ACYP2: variants seen among roughly 807,000 people sequenced by gnomAD.
ACYP2 encodes acylphosphatase 2.
In ACYP2, 12 loss-of-function variants were observed where a neutral mutation model predicts 11.2. That is an observed-to-expected ratio of 1.08 (90% CI 0.69 to 1.74). The LOEUF is 1.74. Among genes scored for constraint, ACYP2 ranks in the 40% most tolerant of loss-of-function variants. The pLI, the probability that ACYP2 is intolerant of heterozygous loss-of-function variation, is 0.00. For synonymous variants in ACYP2, 43 were observed against 32.2 expected, an observed-to-expected ratio of 1.33 and a Z score of -1.13; for missense variants, 134 against 101.9, an observed-to-expected ratio of 1.31 and a Z score of -1.35.
chr2:54,041,048 G>A (rs997387827), intron 2 of ACYP2, among the ~76,000 whole-genome samples: 7 of 151,890 alleles, frequency 4.6e-5, no homozygotes, highest in East Asian at 1.9e-4. Flanking sequence ...CAAGGAAAGC[G>A]GTGGCCTTTT....
chr2:54,283,657 T>C (rs1688943601), intron 6 of ACYP2, among the ~76,000 whole-genome samples: 1 of 152,194 alleles, frequency 6.6e-6, no homozygotes, highest in Non-Finnish European at 1.5e-5. Flanking sequence ...CAAGTAAATA[T>C]TTAAGTATAT....
At chr2:53,986,217 C>G (rs1573449959) in intron 2 of ACYP2, among the ~76,000 whole-genome samples, 1 of 152,178 alleles carries the variant, frequency 6.6e-6, no homozygotes, top group African/African-American at 2.4e-5. Flanking sequence ...ACCATGTGCT[C>G]TCTGCATATG....
chr2:53,982,644 G>A (rs377759841), intron 2 of ACYP2, among the ~76,000 whole-genome samples: 16 of 152,228 alleles, frequency 1.1e-4, no homozygotes, highest in Admixed American at 2.6e-4. Context: ...TGAAAGGTGC[G>A]ACTTATATTT....
chr2:54,266,799 C>T (rs1284743400), intron 6 of ACYP2, among the ~76,000 whole-genome samples: 1 of 151,268 alleles, frequency 6.6e-6, no homozygotes, highest in Non-Finnish European at 1.5e-5. Flanking sequence ...TTAGTACAGA[C>T]GGGGTTTCAC....
chr2:54,293,661 T>C (rs1189429285), intron 6 of ACYP2, among the ~76,000 whole-genome samples: 1 of 152,228 alleles, frequency 6.6e-6, no homozygotes, highest in Non-Finnish European at 1.5e-5. Context: ...TGGCCAGATG[T>C]TGCACTAAGT....
intron 2 of ACYP2, among the ~76,000 whole-genome samples, chr2:53,977,923 A>G (rs1012894465): frequency 6.6e-6 from 1 of 152,102 alleles, no homozygotes; most frequent in Admixed American, 6.6e-5. Context: ...TAATACAACC[A>G]TTCCTGGCTG....
intron 2 of ACYP2, among the ~76,000 whole-genome samples, chr2:53,982,010 G>A (rs558727585): frequency 1.6e-4 from 25 of 152,180 alleles, no homozygotes; most frequent in Non-Finnish European, 3.4e-4. Flanking sequence ...TATGAATAAT[G>A]TAGGAGGTGA....
At chr2:54,220,747 T>A (rs1182005685) in intron 6 of ACYP2, among the ~76,000 whole-genome samples, 1 of 152,216 alleles carries the variant, frequency 6.6e-6, no homozygotes, top group Non-Finnish European at 1.5e-5. Context: ...ATTTGGAATA[T>A]CAGAAATTTT....
chr2:53,994,751 A>G (rs540396592), intron 2 of ACYP2, among the ~76,000 whole-genome samples: 115 of 152,320 alleles, frequency 7.5e-4, no homozygotes, highest in African/African-American at 2.6e-3. Context: ...TTCCCAAATT[A>G]TTCTAGAACT....
intron 2 of ACYP2, among the ~76,000 whole-genome samples, chr2:54,015,981 G>A (rs892655958): frequency 6.6e-6 from 1 of 151,998 alleles, no homozygotes; most frequent in Non-Finnish European, 1.5e-5. Flanking sequence ...AATTTTAAAT[G>A]TTTCTCATTG....
chr2:54,254,308 CAG>C (rs1687377881), intron 6 of ACYP2: 1 of 152,322 alleles, frequency 6.6e-6, no homozygotes, highest in Non-Finnish European at 1.5e-5. Flanking sequence ...TATTAGAAAC[CAG>C]AGAGTGGAGC....
intron 6 of ACYP2, among the ~76,000 whole-genome samples, chr2:54,212,311 A>G (rs889454212): frequency 5.9e-5 from 9 of 152,214 alleles, no homozygotes; most frequent in Non-Finnish European, 1.3e-4. Context: ...ATTGCCTTTC[A>G]CATTGTAGTA....
At chr2:54,255,577 C>G (rs755895568) in intron 6 of ACYP2, 3 of 1,613,278 alleles carry the variant, frequency 1.9e-6, no homozygotes, top group Non-Finnish European at 1.7e-6. Flanking sequence ...GGGCCCGGGC[C>G]CGGGCCCAGG....
At chr2:54,201,454 G>A (rs1262258091) in intron 6 of ACYP2, among the ~76,000 whole-genome samples, 1 of 151,816 alleles carries the variant, frequency 6.6e-6, no homozygotes, top group Non-Finnish European at 1.5e-5. Context: ...TATATATTTT[G>A]AATACTAGAA....
chr2:54,192,508 T>A (rs964166674), intron 6 of ACYP2, among the ~76,000 whole-genome samples: 6 of 152,184 alleles, frequency 3.9e-5, no homozygotes, highest in African/African-American at 1.4e-4. Flanking sequence ...AGATAACATA[T>A]CCAGTTTTAT....
In ACYP2 at chr2:54,207,171, A is replaced by ATG. The variant is rs1462290345; in HGVS notation, c.404+68424_404+68425insGT. On this transcript the variant is annotated intron_variant, in intron 6 of 6. Transcript: ENST00000607452. ...TTATATGTACATATATACAACATGT[A>ATG]TATGTGTGTGTGTGTGTGTGTGTGT... Among the ~76,000 whole-genome samples, 329 of 68,470 alleles carry ATG rather than the reference A, an allele frequency of 4.8e-3. 3 individuals are homozygous for ATG. The highest frequency in any genetic ancestry group is 0.014 in the African/African-American group (293 of 20,888). The allele number at this position is 68,470 out of a possible 152,430, so 44.9% of individuals were successfully genotyped here. A position where few individuals can be genotyped will look rare whatever the true frequency, so the allele number is the denominator to read the frequency against.
intron 6 of ACYP2, among the ~76,000 whole-genome samples, chr2:54,204,857 T>C (rs1333486649): frequency 6.6e-6 from 1 of 152,220 alleles, no homozygotes; most frequent in Non-Finnish European, 1.5e-5. Context: ...ATTTCATTAT[T>C]TCTGCTTTGT....
In ACYP2 at chr2:54,226,507, G is replaced by A. The variant is rs1046845562; in HGVS notation, c.405-78181G>A. ...TTTCTGATAAGAAAGAAGTGTTAATGTTAAGCAGCTGTAAATGTACTTTCT... is the reference window on the plus strand; with the variant it reads ...TTTCTGATAAGAAAGAAGTGTTAATATTAAGCAGCTGTAAATGTACTTTCT... On this transcript the variant is annotated intron_variant, in intron 6 of 6. Coordinates refer to ENST00000607452, the MANE Select transcript of ACYP2 (RefSeq NM_001320586.2). Among the ~76,000 whole-genome samples the A allele has an allele frequency of 2.0e-5, 3 of 152,216 alleles. No individual in the cohort carries two copies. In the East Asian group the frequency reaches 5.8e-4, roughly 29 times the overall value.
At chr2:54,091,745 C>G (rs1164936082) in intron 4 of ACYP2, among the ~76,000 whole-genome samples, 1 of 152,078 alleles carries the variant, frequency 6.6e-6, no homozygotes, top group Non-Finnish European at 1.5e-5. Context: ...CTCCTGATGT[C>G]AAGTGATCCA....
Sources: gnomAD v4.1 joint callset for allele counts (sites outside exome capture counted in the v4.1 genomes callset) on GRCh38, gnomAD v4.1.1 for gene constraint, MANE v1.5 for transcripts, NCBI Gene and HGNC (gene_info 2026-07-23, HGNC 2026-07-21) for gene names.